The following DNAJC5B variants were observed in gnomAD, a reference collection of about 807,000 sequenced individuals.
DNAJC5B encodes the protein DnaJ heat shock protein family (Hsp40) member C5 beta, also known as dnaJ homolog subfamily C member 5B.
In DNAJC5B, 23 loss-of-function variants were observed where a neutral mutation model predicts 24.7. The observed-to-expected ratio is 0.93, with a 90% CI of 0.67 to 1.32. The LOEUF is 1.32. Ranked by LOEUF, DNAJC5B falls within the 40% of genes most tolerant of loss-of-function variation. The probability of loss-of-function intolerance (pLI) is 0.00; values close to 1 mark genes in which losing one functional copy is unlikely to be tolerated. For synonymous variants in DNAJC5B, 101 were observed against 90.1 expected, an observed-to-expected ratio of 1.12 and a Z score of -0.68; for missense variants, 238 against 240.8, an observed-to-expected ratio of 0.99 and a Z score of 0.08.
At chr8:66,086,165 G>A (rs573958990) in intron 5 of DNAJC5B, among the ~76,000 whole-genome samples, 1 of 152,228 alleles carries the variant, frequency 6.6e-6, no homozygotes, top group Admixed American at 6.5e-5. Flanking sequence ...TCATTTAACA[G>A]TTTGGATTTT....
intron 2 of DNAJC5B, among the ~76,000 whole-genome samples, chr8:66,051,065 A>G (rs1806834235): frequency 6.6e-6 from 1 of 152,232 alleles, no homozygotes; most frequent in Non-Finnish European, 1.5e-5. Context: ...TCTTGAACTT[A>G]TTCCTCCTAT....
Position 66,051,607 on chromosome 8 carries a change from AT to A in DNAJC5B, c.61del (p.Tyr21ThrfsTer24). 1 of 1,614,172 alleles carries A rather than the reference AT, an allele frequency of 6.2e-7. No homozygotes were observed. The highest frequency in any genetic ancestry group is 8.5e-7 in the Non-Finnish European group (1 of 1,180,008). ...RTLSTTGEAL[Y>X]EILGLHKGAS... ...CTCTGTCAACAACAGGAGAAGCTCTATACGAAATTCTTGGTCTGCATAAGGG... is the reference window on the plus strand; with the variant it reads ...CTCTGTCAACAACAGGAGAAGCTCTAACGAAATTCTTGGTCTGCATAAGGG... On this transcript the variant is annotated frameshift_variant, in exon 3 of 6. Transcript: ENST00000276570. LOFTEE classifies it high-confidence loss of function.
intron 3 of DNAJC5B, among the ~76,000 whole-genome samples, chr8:66,053,936 C>CT (rs60244347): frequency 0.27 from 36,650 of 138,122 alleles, 5,280 homozygotes; most frequent in African/African-American, 0.37. Context: ...GCCTACTACC[C>CT]TTTTTTTTTT....
upstream of DNAJC5B, among the ~76,000 whole-genome samples, chr8:66,017,019 G>A (rs1242634767): frequency 6.6e-6 from 1 of 151,600 alleles, no homozygotes; most frequent in Non-Finnish European, 1.5e-5. Context: ...TCTAAAATGT[G>A]TGGGTTCTTG....
rs554233749 is a variant in DNAJC5B at position 66,080,017 on chromosome 8, A to T, written c.334-360A>T. Among the ~76,000 whole-genome samples, 92 of 151,950 alleles carry T rather than the reference A, an allele frequency of 6.1e-4. 1 individual carries two copies. Among genetic ancestry groups the T allele is most frequent in the African/African-American group, 2.1e-3 (87 of 41,436 alleles). On this transcript the variant is annotated intron_variant, in intron 4 of 5. Coordinates refer to ENST00000276570, the MANE Select transcript of DNAJC5B (RefSeq NM_033105.6). ...CCCTGGGCAGGGGGCTTGCTAACTCATTTCACCTGCAGAGGTTTTGTTGGT... is the reference window on the plus strand; with the variant it reads ...CCCTGGGCAGGGGGCTTGCTAACTCTTTTCACCTGCAGAGGTTTTGTTGGT...
At chr8:66,060,064 T>C (rs113485008) in intron 3 of DNAJC5B, among the ~76,000 whole-genome samples, 80 of 152,344 alleles carry the variant, frequency 5.3e-4, no homozygotes, top group African/African-American at 1.8e-3. Flanking sequence ...CTTTGTGATA[T>C]GCTCTGTTAG....
At chr8:66,036,300 G>T (rs766455855) in intron 1 of DNAJC5B, among the ~76,000 whole-genome samples, 6 of 152,138 alleles carry the variant, frequency 3.9e-5, no homozygotes, top group Non-Finnish European at 7.3e-5. Flanking sequence ...GATCTCTCAG[G>T]GGTCTTTTGT....
At chr8:66,023,320 A>G (rs1806182451) in intron 1 of DNAJC5B, among the ~76,000 whole-genome samples, 1 of 152,230 alleles carries the variant, frequency 6.6e-6, no homozygotes. Flanking sequence ...AATCTCATTT[A>G]TCACCTTGGT....
At chr8:66,015,554 T>TGAGA in the DNAJC5B span, among the ~76,000 whole-genome samples, 2 of 149,158 alleles carry the variant, frequency 1.3e-5, no homozygotes, top group Non-Finnish European at 3.0e-5. Flanking sequence ...GAGCGAGAAA[T>TGAGA]GAGAGAGAGA....
At chr8:66,064,883 T>G (rs10110227) in intron 3 of DNAJC5B, among the ~76,000 whole-genome samples, 6,521 of 152,226 alleles carry the variant, frequency 0.043, 466 homozygotes, top group African/African-American at 0.15. Context: ...TCCTTCTACC[T>G]TATTAGAGAG....
At chr8:66,072,453 A>G (rs914907415) in intron 3 of DNAJC5B, among the ~76,000 whole-genome samples, 21 of 152,334 alleles carry the variant, frequency 1.4e-4, no homozygotes, top group African/African-American at 5.1e-4. Context: ...AGAACAGAAT[A>G]TATACCCTTT....
chr8:66,099,431 T>C (rs1001828553), intron 5 of DNAJC5B, among the ~76,000 whole-genome samples: 7 of 152,220 alleles, frequency 4.6e-5, no homozygotes, highest in African/African-American at 1.7e-4. Context: ...GTGAGGAGAT[T>C]TCTATTAGAC....
At chr8:66,023,338 T>C (rs192374380) in intron 1 of DNAJC5B, among the ~76,000 whole-genome samples, 206 of 152,306 alleles carry the variant, frequency 1.4e-3, no homozygotes, top group Non-Finnish European at 1.6e-3. Flanking sequence ...GGTGTGGTTA[T>C]TGGTAAAAGC....
intron 3 of DNAJC5B, among the ~76,000 whole-genome samples, chr8:66,067,372 CA>C: frequency 6.6e-6 from 1 of 152,138 alleles, no homozygotes; most frequent in African/African-American, 2.4e-5. Flanking sequence ...GAAGGTCCTG[CA>C]ATTTTATTGA....
intron 5 of DNAJC5B, among the ~76,000 whole-genome samples, chr8:66,091,473 C>T (rs1367330345): frequency 1.3e-5 from 2 of 152,140 alleles, no homozygotes; most frequent in Admixed American, 6.5e-5. Flanking sequence ...AAAGAATTGT[C>T]ACAGCCTCTC....
At chr8:66,033,953 C>T (rs1404027353) in intron 1 of DNAJC5B, among the ~76,000 whole-genome samples, 2 of 152,212 alleles carry the variant, frequency 1.3e-5, no homozygotes, top group South Asian at 2.1e-4. Context: ...ATCACTGCAA[C>T]GCTTGACCTG....
At chr8:66,048,824 G>A (rs1241690732) in intron 2 of DNAJC5B, among the ~76,000 whole-genome samples, 3 of 152,094 alleles carry the variant, frequency 2.0e-5, no homozygotes, top group Non-Finnish European at 2.9e-5. Flanking sequence ...CCTTTTCTGC[G>A]AGGCCATCCC....
At chr8:66,026,979 A>T (rs1353155259) in intron 1 of DNAJC5B, among the ~76,000 whole-genome samples, 1 of 152,192 alleles carries the variant, frequency 6.6e-6, no homozygotes, top group Non-Finnish European at 1.5e-5. Context: ...GCAATTTTTA[A>T]AAATGCATAG....
chr8:66,057,367 A>G (rs1050522423), intron 3 of DNAJC5B: 2 of 152,218 alleles, frequency 1.3e-5, no homozygotes, highest in Admixed American at 1.3e-4. Context: ...GGACAGATCA[A>G]TAGAATGTTC....
Sources: allele counts gnomAD v4.1 joint callset (sites outside exome capture counted in the v4.1 genomes callset), GRCh38; gene constraint gnomAD v4.1.1; transcripts MANE v1.5; gene names NCBI Gene and HGNC (gene_info 2026-07-23, HGNC 2026-07-21).